Variants in SLC16A10 observed in about 807,000 individuals in gnomAD.
SLC16A10 encodes solute carrier family 16 member 10, also known as monocarboxylate transporter 10.
In SLC16A10, 27 loss-of-function variants were observed where a neutral mutation model predicts 40.0. The observed-to-expected ratio is 0.67, with a 90% CI of 0.50 to 0.93. SLC16A10 has a LOEUF of 0.93. SLC16A10 is among the 40% of genes least tolerant of loss of function. SLC16A10 has a pLI of 0.00. For synonymous variants in SLC16A10, 213 were observed against 249.8 expected, an observed-to-expected ratio of 0.85 and a Z score of 1.39; for missense variants, 529 against 658.2, an observed-to-expected ratio of 0.80 and a Z score of 2.15.
chr6:111,099,402 A>T (rs778514625), intron 1 of SLC16A10, among the ~76,000 whole-genome samples: 3 of 152,080 alleles, frequency 2.0e-5, no homozygotes, highest in Non-Finnish European at 4.4e-5. Context: ...TGCAGCCTTG[A>T]CCTGGGCTCA....
At chr6:111,131,173 G>A (rs1004344659) in intron 1 of SLC16A10, among the ~76,000 whole-genome samples, 3 of 152,208 alleles carry the variant, frequency 2.0e-5, no homozygotes, top group Non-Finnish European at 2.9e-5. Flanking sequence ...TCGCAGACCC[G>A]CCGCTGACTT....
rs1354651742 is a variant in SLC16A10, at chr6:111,219,520, TA to T, written c.1315+491del. On this transcript the variant is annotated intron_variant, in intron 5 of 5. Transcript: ENST00000368851. ...CCCAGCCTAGGCGAAACCCTATCTT[TA>T]AAAAAAAAAAAAGTTGAAGATTCTG... Among the ~76,000 whole-genome samples the T allele has an allele frequency of 3.8e-3, 538 of 143,312 alleles. 2 individuals are homozygous for T. The highest frequency in any genetic ancestry group is 7.6e-3 in the African/African-American group (297 of 39,224). The allele number at this position is 143,312 out of a possible 152,430, so 94.0% of individuals were successfully genotyped here. A position where few individuals can be genotyped will look rare whatever the true frequency, so the allele number is the denominator to read the frequency against.
intron 2 of SLC16A10, among the ~76,000 whole-genome samples, chr6:111,176,361 C>CA (rs1468769589): frequency 6.6e-6 from 1 of 152,116 alleles, no homozygotes; most frequent in Admixed American, 6.5e-5. Context: ...ATAGCCTTTT[C>CA]AAAAAACTTT....
At chr6:111,191,197 A>G (rs1462244373) in intron 3 of SLC16A10, among the ~76,000 whole-genome samples, 1 of 151,974 alleles carries the variant, frequency 6.6e-6, no homozygotes, top group Non-Finnish European at 1.5e-5. Flanking sequence ...CAGCCCTGGA[A>G]TGTGATGTTC....
At chr6:111,093,128 A>C (rs1583298311) in intron 1 of SLC16A10, among the ~76,000 whole-genome samples, 1 of 152,264 alleles carries the variant, frequency 6.6e-6, no homozygotes, top group Middle Eastern at 3.4e-3. Flanking sequence ...CCATGGAACT[A>C]ATGAAGAGCC....
intron 1 of SLC16A10, among the ~76,000 whole-genome samples, chr6:111,161,408 C>A (rs1772369748): frequency 6.6e-6 from 1 of 151,896 alleles, no homozygotes; most frequent in African/African-American, 2.4e-5. Context: ...CACCAGGGAC[C>A]CGTTCCTACA....
At chr6:111,093,542 G>A (rs74622776) in intron 1 of SLC16A10, among the ~76,000 whole-genome samples, 1 of 152,188 alleles carries the variant, frequency 6.6e-6, no homozygotes, top group African/African-American at 2.4e-5. Flanking sequence ...ACTGTTGTAT[G>A]TGACACCTAG....
At chr6:111,202,966 T>C (rs970646695) in intron 3 of SLC16A10, among the ~76,000 whole-genome samples, 1 of 150,656 alleles carries the variant, frequency 6.6e-6, no homozygotes, top group Non-Finnish European at 1.5e-5. Flanking sequence ...GTCTAACTTA[T>C]CTTTAAAGTT....
At chr6:111,169,232 A>G (rs2114537727) in intron 1 of SLC16A10, among the ~76,000 whole-genome samples, 1 of 152,314 alleles carries the variant, frequency 6.6e-6, no homozygotes. Context: ...GGAGAAGGGT[A>G]GCCTGGAGTT....
At position 111,222,402 on chromosome 6, in the gene SLC16A10, A is replaced by G. The variant is rs1231280358; in HGVS notation, c.*167A>G. 2 of 795,886 alleles carry G rather than the reference A, an allele frequency of 2.5e-6. No homozygotes were observed. The highest frequency in any genetic ancestry group is 3.6e-6 in the Non-Finnish European group (2 of 549,474). The allele number at this position is 795,886 out of a possible 1,614,324, so 49.3% of individuals were successfully genotyped here. A position where few individuals can be genotyped will look rare whatever the true frequency, so the allele number is the denominator to read the frequency against. On this transcript the variant is annotated 3_prime_UTR_variant, in exon 6 of 6. Transcript: ENST00000368851. ...ACTAGAAGAACCATTTTCTGCCACT[A>G]AATATCTCTGATGTTTCCATGAGTC...
chr6:111,184,034 T>G (rs78716370), intron 3 of SLC16A10, among the ~76,000 whole-genome samples: 7,320 of 152,234 alleles, frequency 0.048, 571 homozygotes, highest in African/African-American at 0.17. Context: ...ACAATGATAA[T>G]GAAGTTACCA....
intron 1 of SLC16A10, among the ~76,000 whole-genome samples, chr6:111,145,487 G>A (rs1562412170): frequency 6.6e-6 from 1 of 152,268 alleles, no homozygotes; most frequent in East Asian, 1.9e-4. Context: ...AGTGGGGGAA[G>A]AATAGTTTTT....
intron 1 of SLC16A10, among the ~76,000 whole-genome samples, chr6:111,137,363 G>T (rs1489673843): frequency 6.6e-6 from 1 of 152,328 alleles, no homozygotes; most frequent in East Asian, 1.9e-4. Flanking sequence ...TTATTTACTG[G>T]ACCAGGCCTT....
intron 1 of SLC16A10, among the ~76,000 whole-genome samples, chr6:111,160,431 A>G (rs1772349250): frequency 1.3e-5 from 2 of 152,262 alleles, no homozygotes; most frequent in Admixed American, 6.5e-5. Context: ...AAGTAGAGAC[A>G]GGGTTTCACC....
At chr6:111,130,813 A>G (rs982629386) in intron 1 of SLC16A10, among the ~76,000 whole-genome samples, 2 of 152,244 alleles carry the variant, frequency 1.3e-5, no homozygotes, top group Admixed American at 6.5e-5. Context: ...ACAGCAATGT[A>G]TAATGGTTAA....
At chr6:111,092,153 A>G (rs531893310) in intron 1 of SLC16A10, among the ~76,000 whole-genome samples, 1 of 152,204 alleles carries the variant, frequency 6.6e-6, no homozygotes, top group African/African-American at 2.4e-5. Flanking sequence ...AGGGGAAGTA[A>G]GCCAACTCCA....
Position 111,224,698 on chromosome 6 carries a change from T to C in SLC16A10, c.*2463T>C, listed in dbSNP as rs1770959503. 2 of 152,344 alleles carry C rather than the reference T, an allele frequency of 1.3e-5. No homozygotes were observed. Among genetic ancestry groups the C allele is most frequent in the Middle Eastern group, 3.4e-3 (1 of 294 alleles). The allele number at this position is 152,344 out of a possible 1,614,324, so 9.4% of individuals were successfully genotyped here. A position where few individuals can be genotyped will look rare whatever the true frequency, so the allele number is the denominator to read the frequency against. On this transcript the variant is annotated 3_prime_UTR_variant, in exon 6 of 6. Coordinates refer to ENST00000368851, the MANE Select transcript of SLC16A10 (RefSeq NM_018593.5). Reference sequence around the variant, plus strand: ...AATGCATATTTAGTACTATGTTTTTTGTGGGAAAAGTTCTAAAAGTTTAAA... The same window carrying C: ...AATGCATATTTAGTACTATGTTTTTCGTGGGAAAAGTTCTAAAAGTTTAAA...
At chr6:111,108,206 G>A (rs1368227308) in intron 1 of SLC16A10, among the ~76,000 whole-genome samples, 2 of 152,056 alleles carry the variant, frequency 1.3e-5, no homozygotes, top group Non-Finnish European at 2.9e-5. Flanking sequence ...TTTTAGTAGA[G>A]ATGGGGTTTC....
At chr6:111,154,133 A>G (rs928538550) in intron 1 of SLC16A10, among the ~76,000 whole-genome samples, 3 of 152,226 alleles carry the variant, frequency 2.0e-5, no homozygotes, top group Admixed American at 1.3e-4. Context: ...TATTTTCATT[A>G]TCTTATATAA....
Sources: gnomAD v4.1 joint callset for allele counts (sites outside exome capture counted in the v4.1 genomes callset) on GRCh38, gnomAD v4.1.1 for gene constraint, MANE v1.5 for transcripts, NCBI Gene and HGNC (gene_info 2026-07-23, HGNC 2026-07-21) for gene names.